G3BP2: variants seen among roughly 807,000 people sequenced by gnomAD.
G3BP2 encodes ras GTPase-activating protein-binding protein 2.
Under a neutral mutation model 56.7 loss-of-function variants are expected in G3BP2, and 11 were observed. That is an observed-to-expected ratio of 0.19 (90% CI 0.12 to 0.32). G3BP2 has a LOEUF of 0.32. Ranked by LOEUF, G3BP2 falls within the 10% of genes least tolerant of loss-of-function variation. The pLI, the probability that G3BP2 is intolerant of heterozygous loss-of-function variation, is 1.00. For synonymous variants in G3BP2, 165 were observed against 191.6 expected (o/e 0.86, Z 1.15); for missense variants, 340 against 610.9 (o/e 0.56, Z 4.67).
At chr4:75,655,658 C>A in intron 6 of G3BP2, 110 bp downstream of exon 6, 1 of 662,644 alleles carries the variant, frequency 1.5e-6, no homozygotes, top group Non-Finnish European at 2.7e-6. Flanking sequence ...CAAATACTGA[C>A]ATAATAGGTG....
At chr4:75,689,460 A>T (rs1718761288) in intron 3 of G3BP2, among the ~76,000 whole-genome samples, 1 of 152,072 alleles carries the variant, frequency 6.6e-6, no homozygotes, top group Admixed American at 6.5e-5. Flanking sequence ...AATCTCTTGT[A>T]TTTGTCAAAT....
intron 3 of G3BP2, among the ~76,000 whole-genome samples, chr4:75,694,647 A>G (rs1397238206): frequency 6.6e-6 from 1 of 152,234 alleles, no homozygotes; most frequent in East Asian, 1.9e-4. Flanking sequence ...GTGAGGTGGG[A>G]GAATCGCTTG....
chr4:75,721,377 G>A (rs1414129625), intron 2 of G3BP2, among the ~76,000 whole-genome samples: 1 of 151,714 alleles, frequency 6.6e-6, no homozygotes, highest in Non-Finnish European at 1.5e-5. Context: ...TCCCAAGTAA[G>A]TGGGACTACT....
At chr4:75,689,325 C>G (rs1718754918) in intron 3 of G3BP2, among the ~76,000 whole-genome samples, 1 of 150,088 alleles carries the variant, frequency 6.7e-6, no homozygotes. Context: ...TGCAGTGAGC[C>G]AAGATCCGCC....
intron 1 of G3BP2, among the ~76,000 whole-genome samples, chr4:75,668,276 A>C (rs191333015): frequency 2.6e-5 from 4 of 152,358 alleles, no homozygotes; most frequent in Admixed American, 6.5e-5. Flanking sequence ...CGTAAAAACC[A>C]AAGTTATCAC....
chr4:75,668,387 G>C (rs1733224943), intron 1 of G3BP2, among the ~76,000 whole-genome samples: 1 of 152,038 alleles, frequency 6.6e-6, no homozygotes, highest in African/African-American at 2.4e-5. Flanking sequence ...TACTATAATG[G>C]GGCTGCCTCC....
At chr4:75,715,605 C>T (rs1428774469) in intron 3 of G3BP2, among the ~76,000 whole-genome samples, 1 of 152,118 alleles carries the variant, frequency 6.6e-6, no homozygotes, top group African/African-American at 2.4e-5. Flanking sequence ...AACTGCTGCA[C>T]CAGGAAGGCC....
chr4:75,677,228 TC>T (rs1376523065), upstream of G3BP2, among the ~76,000 whole-genome samples: 1 of 152,124 alleles, frequency 6.6e-6, no homozygotes, highest in Non-Finnish European at 1.5e-5. Context: ...TACTAAAAGA[TC>T]AACCAAGTCC....
chr4:75,676,532 G>A (rs892655176), upstream of G3BP2, among the ~76,000 whole-genome samples: 2 of 151,956 alleles, frequency 1.3e-5, no homozygotes, highest in African/African-American at 4.8e-5. Flanking sequence ...TAGTAGAGAC[G>A]AGGTTTCACC....
rs1491199523 is a variant in G3BP2 at position 75,643,295 on chromosome 4, T to TTTTATATA, written c.*2134_*2135insTATATAAA. 3 of 99,942 alleles carry TTTTATATA rather than the reference T, an allele frequency of 3.0e-5. No homozygotes were observed. The highest frequency in any genetic ancestry group is 6.5e-5 in the Non-Finnish European group (3 of 46,322). 6.2% of individuals were successfully genotyped at this position (99,942 alleles called of 1,614,324 possible). A position where few individuals can be genotyped will look rare whatever the true frequency, so the allele number is the denominator to read the frequency against. On this transcript the variant is annotated 3_prime_UTR_variant, in exon 12 of 12. Transcript: ENST00000359707. ...GCAGGGCAATATCCTGAATTGGAAATTATATATATATATATATATATGGAA... is the reference window on the plus strand; with the variant it reads ...GCAGGGCAATATCCTGAATTGGAAATTTTATATATATATATATATATATATATATGGAA...
chr4:75,710,707 C>T lies in G3BP2; in HGVS notation c.-25+10170G>A, dbSNP rs116318744. 6.1e-3 allele frequency among the ~76,000 whole-genome samples: 935 copies of T among 152,062 alleles called. 3 individuals carry two copies. Among genetic ancestry groups the T allele is most frequent in the Non-Finnish European group, 9.4e-3 (637 of 67,998 alleles). ...TCAGGAACGGGGTCTCACTTTGTTGCCCAGGCTAGAGTGCAGTAGTGTAAT... is the reference window on the plus strand; with the variant it reads ...TCAGGAACGGGGTCTCACTTTGTTGTCCAGGCTAGAGTGCAGTAGTGTAAT... On this transcript the variant is annotated intron_variant, in intron 3 of 3. Coordinates refer to the G3BP2 transcript ENST00000499709.
intron 3 of G3BP2, among the ~76,000 whole-genome samples, chr4:75,719,256 G>A (rs1422999458): frequency 6.7e-6 from 1 of 148,588 alleles, no homozygotes; most frequent in East Asian, 2.0e-4. Flanking sequence ...GCTGAGGCAG[G>A]AGAATGGTGT....
chr4:75,667,750 C>G (rs1733169394), intron 1 of G3BP2, among the ~76,000 whole-genome samples: 3 of 152,056 alleles, frequency 2.0e-5, no homozygotes, highest in Non-Finnish European at 2.9e-5. Context: ...ATTAGCCAGG[C>G]CTGGTGGTAC....
At position 75,660,938 on chromosome 4, in the gene G3BP2, G is replaced by A. The variant is rs187513613; in HGVS notation, c.95+993C>T. Among the ~76,000 whole-genome samples the A allele has an allele frequency of 1.4e-4, 22 of 152,210 alleles. No individual in the cohort carries two copies. In the East Asian group the frequency reaches 4.0e-3, roughly 28 times the overall value. On this transcript the variant is annotated intron_variant, in intron 2 of 11. Coordinates refer to ENST00000359707, the MANE Select transcript of G3BP2 (RefSeq NM_203505.3). ...ACAAGCCTACAGATGTCCACTTCTT[G>A]TTAAAACAGTAAATAAGGTTATTGC...
chr4:75,698,448 A>T (rs535386308), intron 3 of G3BP2, among the ~76,000 whole-genome samples: 9 of 152,172 alleles, frequency 5.9e-5, no homozygotes, highest in Non-Finnish European at 1.2e-4. Context: ...TATGCCCGGA[A>T]AACACTCAAC....
At chr4:75,669,082 G>A (rs1380145638) in intron 1 of G3BP2, among the ~76,000 whole-genome samples, 1 of 152,076 alleles carries the variant, frequency 6.6e-6, no homozygotes, top group Admixed American at 6.5e-5. Flanking sequence ...AACTCTTCTA[G>A]AGTTCTATAA....
intron 7 of G3BP2, 57 bp downstream of exon 7, chr4:75,655,004 TCATTA>T: frequency 9.1e-7 from 1 of 1,099,592 alleles, no homozygotes; most frequent in Non-Finnish European, 1.3e-6. Context: ...AGGTCATACT[TCATTA>T]ACAGCACCAA....
intron 8 of G3BP2, among the ~76,000 whole-genome samples, chr4:75,649,936 G>A (rs1471590822): frequency 2.6e-5 from 4 of 152,000 alleles, no homozygotes; most frequent in South Asian, 2.1e-4. Flanking sequence ...GCTTGAACCC[G>A]GAAGACGGAG....
intron 2 of G3BP2, among the ~76,000 whole-genome samples, chr4:75,659,351 A>G (rs1440560656): frequency 6.6e-6 from 1 of 152,222 alleles, no homozygotes; most frequent in Non-Finnish European, 1.5e-5. Flanking sequence ...TTAATACTGT[A>G]TCCAGATCTC....
Sources: gnomAD v4.1 joint callset for allele counts (sites outside exome capture counted in the v4.1 genomes callset) on GRCh38, gnomAD v4.1.1 for gene constraint, MANE v1.5 for transcripts, NCBI Gene and HGNC (gene_info 2026-07-23, HGNC 2026-07-21) for gene names.